The following PVT1 variants were observed in gnomAD, a reference collection of about 807,000 sequenced individuals.
PVT1 encodes the protein Pvt1 oncogene.
intron 3 of PVT1, among the ~76,000 whole-genome samples, chr8:127,910,748 C>G (rs554589175): frequency 6.6e-6 from 1 of 152,218 alleles, no homozygotes; most frequent in Non-Finnish European, 1.5e-5. Flanking sequence ...ATTTTACAAA[C>G]AAGAAAACTG....
chr8:127,820,060 C>T lies in PVT1; in HGVS notation n.372+23989C>T, dbSNP rs1814712325. On this transcript the variant is annotated intron_variant and non_coding_transcript_variant, in intron 2 of 10. Coordinates refer to ENST00000651587, the Ensembl canonical transcript of PVT1. ...GTAGAGATGCTCCCGTGGGACTTGC[C>T]CTGCACCCAGTTCAGCTTGCTTGGG... Among the ~76,000 whole-genome samples the T allele has an allele frequency of 2.0e-5, 3 of 152,138 alleles. No individual in the cohort carries two copies. In the South Asian group the frequency reaches 6.2e-4, roughly 32 times the overall value.
At chr8:127,809,332 C>T (rs1814566177) in intron 2 of PVT1, among the ~76,000 whole-genome samples, 1 of 152,144 alleles carries the variant, frequency 6.6e-6, no homozygotes, top group African/African-American at 2.4e-5. Context: ...GCTGGGACTA[C>T]AGGTGCATGG....
intron 3 of PVT1, among the ~76,000 whole-genome samples, chr8:127,939,173 A>G (rs1288511390): frequency 6.6e-6 from 1 of 152,202 alleles, no homozygotes; most frequent in Non-Finnish European, 1.5e-5. Flanking sequence ...CTTCTCCCCT[A>G]TCCTCACCTG....
chr8:127,808,176 T>G (rs1814548700), intron 2 of PVT1, among the ~76,000 whole-genome samples: 2 of 151,990 alleles, frequency 1.3e-5, no homozygotes, highest in South Asian at 4.2e-4. Context: ...GCCTCCCGAG[T>G]ATTTGGGACT....
chr8:128,028,398 T>C (rs527837158), intron 4 of PVT1, among the ~76,000 whole-genome samples: 1 of 152,324 alleles, frequency 6.6e-6, no homozygotes, highest in East Asian at 1.9e-4. Flanking sequence ...GGCTCCCTGT[T>C]CTCCATAGTG....
chr8:127,963,477 A>G (rs1311919302), intron 3 of PVT1, among the ~76,000 whole-genome samples: 1 of 152,200 alleles, frequency 6.6e-6, no homozygotes, highest in Non-Finnish European at 1.5e-5. Flanking sequence ...CCTCTGAGAA[A>G]AAGTGTGGCA....
intron 3 of PVT1, among the ~76,000 whole-genome samples, chr8:127,933,873 A>G (rs1366958016): frequency 6.6e-6 from 1 of 152,222 alleles, no homozygotes; most frequent in Non-Finnish European, 1.5e-5. Context: ...TGGGTTCTTC[A>G]TCCATGAAAT....
At chr8:127,987,385 A>G (rs1816982003) in intron 3 of PVT1, among the ~76,000 whole-genome samples, 1 of 151,920 alleles carries the variant, frequency 6.6e-6, no homozygotes, top group Admixed American at 6.6e-5. Context: ...GCTTTGGCCC[A>G]ATCTCATTGC....
At chr8:128,060,628 T>C (rs1478173901) in intron 4 of PVT1, among the ~76,000 whole-genome samples, 1 of 152,188 alleles carries the variant, frequency 6.6e-6, no homozygotes, top group African/African-American at 2.4e-5. Flanking sequence ...CCAATTATGC[T>C]TCCCAGGTGG....
At chr8:127,949,559 C>T (rs901078250) in intron 3 of PVT1, among the ~76,000 whole-genome samples, 2 of 151,944 alleles carry the variant, frequency 1.3e-5, no homozygotes, top group Admixed American at 6.6e-5. Context: ...CCCCACCCCC[C>T]ATCCCTGGTA....
At position 127,988,118 on chromosome 8, in the gene PVT1, G is replaced by A. The variant is rs75631429; in HGVS notation, n.783-1044G>A. 2.6e-3 allele frequency among the ~76,000 whole-genome samples: 395 copies of A among 152,354 alleles called. 10 individuals are homozygous for A. The East Asian group carries it at 0.063, about 24-fold the overall frequency. ...CCTCAGAGAAGACAATTATGGCCAAGTTGTTCCTTGGGGAGAGATGAGGAA... is the reference window on the plus strand; with the variant it reads ...CCTCAGAGAAGACAATTATGGCCAAATTGTTCCTTGGGGAGAGATGAGGAA... On this transcript the variant is annotated intron_variant and non_coding_transcript_variant, in intron 3 of 10. Transcript: ENST00000651587.
chr8:128,062,387 C>T (rs1376475892), intron 4 of PVT1, among the ~76,000 whole-genome samples: 1 of 152,122 alleles, frequency 6.6e-6, no homozygotes, highest in East Asian at 1.9e-4. Flanking sequence ...ACTCTTTAAC[C>T]CTTCCTAAAT....
chr8:127,915,409 T>C (rs1208210605), intron 3 of PVT1, among the ~76,000 whole-genome samples: 1 of 151,152 alleles, frequency 6.6e-6, no homozygotes, highest in Non-Finnish European at 1.5e-5. Context: ...AGTCGGGAGT[T>C]TGAGACCAGC....
At position 127,863,754 on chromosome 8, in the gene PVT1, G is replaced by A. The variant is rs567655241; in HGVS notation, n.373-26835G>A. Among the ~76,000 whole-genome samples, 48 of 152,310 alleles carry A rather than the reference G, an allele frequency of 3.2e-4. 1 individual carries two copies. Among genetic ancestry groups the A allele is most frequent in the African/African-American group, 1.1e-3 (46 of 41,570 alleles). On this transcript the variant is annotated intron_variant and non_coding_transcript_variant, in intron 2 of 10. Coordinates refer to ENST00000651587, the Ensembl canonical transcript of PVT1. ...AGCTTGGAAGCCAAAGCCCAGAGGG[G>A]TAGAATGACTTGCTTGAGGCCCCTC...
chr8:128,084,413 C>T (rs1298994638), intron 5 of PVT1, among the ~76,000 whole-genome samples: 1 of 152,236 alleles, frequency 6.6e-6, no homozygotes, highest in Non-Finnish European at 1.5e-5. Context: ...CAGATGTCAA[C>T]TCTCAGAGAG....
chr8:127,956,431 C>T (rs528589966), intron 3 of PVT1, among the ~76,000 whole-genome samples: 3 of 152,370 alleles, frequency 2.0e-5, no homozygotes, highest in Admixed American at 6.5e-5. Context: ...TTCCAGGTTC[C>T]GTGGTGAAGG....
In PVT1 at chr8:127,845,024, T is replaced by G. The variant is rs576130651; in HGVS notation, n.373-45565T>G. ...TACCACGCCCGGCCGGAGGTGTGTT[T>G]TACATGCATCTCACTGCCTGGGACA... On this transcript the variant is annotated intron_variant and non_coding_transcript_variant, in intron 2 of 10. Transcript: ENST00000651587. 2.0e-5 allele frequency among the ~76,000 whole-genome samples: 3 copies of G among 152,306 alleles called. No individual in the cohort carries two copies. The South Asian group carries it at 6.2e-4, about 32-fold the overall frequency.
chr8:127,840,478 A>G (rs900173746), intron 2 of PVT1, among the ~76,000 whole-genome samples: 1 of 152,260 alleles, frequency 6.6e-6, no homozygotes, highest in African/African-American at 2.4e-5. Context: ...GAGTTACAGC[A>G]TTTAAATCTT....
chr8:128,000,231 G>A (rs1817159755), intron 4 of PVT1, among the ~76,000 whole-genome samples: 1 of 152,202 alleles, frequency 6.6e-6, no homozygotes, highest in African/African-American at 2.4e-5. Context: ...CACAGAATGA[G>A]GATGAAACAG....
Sources: allele counts gnomAD v4.1 joint callset (sites outside exome capture counted in the v4.1 genomes callset), GRCh38; gene constraint gnomAD v4.1.1; transcripts MANE v1.5; gene names NCBI Gene and HGNC (gene_info 2026-07-23, HGNC 2026-07-21).